The following MYO1D variants were observed in gnomAD, a reference collection of about 807,000 sequenced individuals.
MYO1D encodes myosin ID, also known as unconventional myosin-Id.
Under a neutral mutation model 122.0 loss-of-function variants are expected in MYO1D, and 83 were observed. The ratio of observed to expected loss-of-function variants is 0.68; its 90% CI spans 0.57 to 0.82. MYO1D has a LOEUF of 0.82. MYO1D is among the 40% of genes least tolerant of loss of function. The probability of loss-of-function intolerance (pLI) is 0.00; values close to 1 mark genes in which losing one functional copy is unlikely to be tolerated. For synonymous variants in MYO1D, 464 were observed against 446.9 expected, an observed-to-expected ratio of 1.04 and a Z score of -0.48; for missense variants, 1,157 against 1,269.5, an observed-to-expected ratio of 0.91 and a Z score of 1.35.
intron 21 of MYO1D, among the ~76,000 whole-genome samples, chr17:32,596,110 C>A (rs1226774509): frequency 6.6e-6 from 1 of 152,126 alleles, no homozygotes; most frequent in Non-Finnish European, 1.5e-5. Context: ...AGTCAGGTGC[C>A]TTCAATAATT....
chr17:32,591,041 A>T (rs1355228215), intron 21 of MYO1D, among the ~76,000 whole-genome samples: 1 of 152,212 alleles, frequency 6.6e-6, no homozygotes. Flanking sequence ...ATTTGCACAA[A>T]AATCCCCAGA....
chr17:32,691,374 A>T (rs1008170368), intron 16 of MYO1D, among the ~76,000 whole-genome samples: 8 of 142,556 alleles, frequency 5.6e-5, no homozygotes, highest in African/African-American at 2.1e-4. Context: ...ATTATTTCCC[A>T]CTGTCATGAG....
At chr17:32,610,193 A>G (rs1341789378) in intron 20 of MYO1D, among the ~76,000 whole-genome samples, 1 of 152,152 alleles carries the variant, frequency 6.6e-6, no homozygotes, top group Non-Finnish European at 1.5e-5. Context: ...TACCTGGACC[A>G]GAGGACAGGA....
At chr17:32,750,244 T>G (rs1418102833) in intron 11 of MYO1D, among the ~76,000 whole-genome samples, 1 of 152,218 alleles carries the variant, frequency 6.6e-6, no homozygotes, top group East Asian at 1.9e-4. Context: ...GCATCTAGAC[T>G]TCTTTGTCTG....
chr17:32,591,316 A>G (rs903906756), intron 21 of MYO1D, among the ~76,000 whole-genome samples: 1 of 152,228 alleles, frequency 6.6e-6, no homozygotes, highest in African/African-American at 2.4e-5. Flanking sequence ...GACTGAGTGC[A>G]TGTAAATAGG....
At chr17:32,785,562 C>G (rs2090285042) in intron 1 of MYO1D, among the ~76,000 whole-genome samples, 1 of 152,136 alleles carries the variant, frequency 6.6e-6, no homozygotes, top group Non-Finnish European at 1.5e-5. Context: ...TAGACAACTC[C>G]AATTTAGGTT....
chr17:32,743,619 A>G (rs766098756), intron 13 of MYO1D, among the ~76,000 whole-genome samples: 3 of 149,486 alleles, frequency 2.0e-5, no homozygotes, highest in Non-Finnish European at 4.5e-5. Context: ...TATTGTTATT[A>G]TTATTATTAT....
intron 21 of MYO1D, among the ~76,000 whole-genome samples, chr17:32,592,199 C>G (rs541783635): frequency 1.6e-3 from 241 of 152,308 alleles, no homozygotes; most frequent in African/African-American, 5.5e-3. Flanking sequence ...TGGTTTAGCA[C>G]CAGGTTCCCC....
chr17:32,716,741 T>A (rs2089452589), intron 15 of MYO1D, among the ~76,000 whole-genome samples: 1 of 152,248 alleles, frequency 6.6e-6, no homozygotes, highest in African/African-American at 2.4e-5. Context: ...ACTGGATTGC[T>A]ATCCTACAGC....
chr17:32,701,979 T>C (rs932934517), intron 16 of MYO1D, among the ~76,000 whole-genome samples: 8 of 152,320 alleles, frequency 5.3e-5, no homozygotes, highest in Middle Eastern at 3.4e-3. Flanking sequence ...ACTAGAAACA[T>C]TTCCCTTAAG....
At chr17:32,731,779 G>A (rs976012402) in intron 14 of MYO1D, among the ~76,000 whole-genome samples, 5 of 152,164 alleles carry the variant, frequency 3.3e-5, no homozygotes, top group African/African-American at 7.2e-5. Flanking sequence ...GCCCAGCTAC[G>A]GTGCAGGACC....
At chr17:32,768,987 CCTCT>C (rs1236961867) in intron 6 of MYO1D, among the ~76,000 whole-genome samples, 4 of 152,162 alleles carry the variant, frequency 2.6e-5, no homozygotes, top group African/African-American at 9.7e-5. Flanking sequence ...TTTGTTTACT[CCTCT>C]CTAAGTGTGC....
At chr17:32,567,039 G>A (rs953751029) in intron 21 of MYO1D, among the ~76,000 whole-genome samples, 1 of 151,428 alleles carries the variant, frequency 6.6e-6, no homozygotes, top group South Asian at 2.1e-4. Flanking sequence ...CAGATGATGC[G>A]GCTGCAGGCT....
intron 16 of MYO1D, among the ~76,000 whole-genome samples, chr17:32,702,225 G>C (rs1475083507): frequency 6.6e-6 from 1 of 152,154 alleles, no homozygotes; most frequent in Non-Finnish European, 1.5e-5. Flanking sequence ...ATACTTGTGT[G>C]CATATATGTA....
chr17:32,529,601 G>C (rs1442864790), intron 21 of MYO1D: 1 of 152,954 alleles, frequency 6.5e-6, no homozygotes, highest in Non-Finnish European at 1.5e-5. Context: ...ATGGGCTCAG[G>C]GGGTGCTGCT....
chr17:32,691,830 T>C (rs1008930288), intron 16 of MYO1D, among the ~76,000 whole-genome samples: 15 of 152,198 alleles, frequency 9.9e-5, no homozygotes, highest in Non-Finnish European at 1.9e-4. Context: ...GGAAACACAT[T>C]GCCAAACTAC....
intron 1 of MYO1D, among the ~76,000 whole-genome samples, chr17:32,807,865 A>G (rs553302611): frequency 6.6e-6 from 1 of 152,210 alleles, no homozygotes; most frequent in Non-Finnish European, 1.5e-5. Context: ...AACCTACCCT[A>G]TCTTAATCAG....
chr17:32,596,812 G>A (rs1268481778), intron 21 of MYO1D, among the ~76,000 whole-genome samples: 2 of 152,242 alleles, frequency 1.3e-5, no homozygotes, highest in Non-Finnish European at 2.9e-5. Context: ...TCCTTTGACA[G>A]CTTAATACTG....
intron 20 of MYO1D, chr17:32,632,626 C>CACACAT (rs1310332247): frequency 1.2e-5 from 1 of 83,726 alleles, no homozygotes; most frequent in African/African-American, 3.5e-5. Context: ...CACACACACA[C>CACACAT]ATATATATAT....
Sources: gnomAD v4.1 joint callset for allele counts (sites outside exome capture counted in the v4.1 genomes callset) on GRCh38, gnomAD v4.1.1 for gene constraint, MANE v1.5 for transcripts, NCBI Gene and HGNC (gene_info 2026-07-23, HGNC 2026-07-21) for gene names.